The following DPF1 variants were observed in gnomAD, a reference collection of about 807,000 sequenced individuals.
DPF1 encodes the protein zinc finger protein neuro-d4.
Under a neutral mutation model 58.7 loss-of-function variants are expected in DPF1, and 14 were observed. That is an observed-to-expected ratio of 0.24 (90% CI 0.16 to 0.37). The LOEUF is 0.37. DPF1 is among the 10% of genes least tolerant of loss of function. The pLI is 1.00. For synonymous variants in DPF1, 216 were observed against 216.0 expected (o/e 1.00, Z 0.00); for missense variants, 345 against 529.9 (o/e 0.65, Z 3.43).
Position 38,222,880 on chromosome 19 carries a change from AG to A in DPF1, c.30-173del. The stretch of plus-strand genomic sequence containing the variant: ...GGGACCCAGGCTGGGGGAAGGGGAC[AG>A]GGCCCAGGGGCCCCCAAACTGGGAC... On this transcript the variant is annotated intron_variant, in intron 1 of 11. Coordinates refer to ENST00000355526, the MANE Select transcript of DPF1 (RefSeq NM_001135155.3). The surrounding 1 kb of genome is among the most constrained non-coding windows in gnomAD (Gnocchi z 4.9). The A allele has an allele frequency of 1.0e-6, 1 of 991,994 alleles. No homozygotes were observed. Among genetic ancestry groups the A allele is most frequent in the Non-Finnish European group, 1.4e-6 (1 of 718,930 alleles). 61.4% of individuals were successfully genotyped at this position (991,994 alleles called of 1,614,324 possible). A position where few individuals can be genotyped will look rare whatever the true frequency, so the allele number is the denominator to read the frequency against.
chr19:38,211,943 C>G lies in DPF1; in HGVS notation c.*120G>C, dbSNP rs1973454756. The G allele has an allele frequency of 1.7e-6, 2 of 1,165,282 alleles. No homozygotes were observed. Among genetic ancestry groups the G allele is most frequent in the Non-Finnish European group, 1.2e-6 (1 of 816,728 alleles). 72.2% of individuals were successfully genotyped at this position (1,165,282 alleles called of 1,614,324 possible). ...ACAGAGGGGAGGGGGTGGCCCAGCC[C>G]CCTCTCGGCTTCCCCCTCTCCCCCT... is the stretch of plus-strand genomic sequence containing the variant. On this transcript the variant is annotated 3_prime_UTR_variant, in exon 12 of 12. Transcript: ENST00000355526. This position sits in a 1 kb window ranked among gnomAD's most constrained non-coding sequence, Gnocchi z 4.0.
At chr19:38,228,051 G>C (rs545470746), upstream of DPF1, 1 of 152,686 alleles carries the variant, frequency 6.5e-6, no homozygotes, top group Admixed American at 6.5e-5. Flanking sequence ...ACCTGCACAA[G>C]AGCCCCGTTC....
rs774845808 is a variant in DPF1 at position 38,216,384 on chromosome 19, G to C, written c.747C>G (p.Ala249=). The part of the protein sequence containing the change: ...NNHKQFYKEL[A]WVPEAQRKHT... ...GTTTCCTTTGTGCCTCAGGGACCCA[G>C]GCCAATTCTTTGTAAAACTCTGGGG... The change falls in exon 8 of 12, where the codon GCC becomes GCG. Residue 249 remains alanine (A), a synonymous_variant. Coordinates refer to ENST00000355526, the MANE Select transcript of DPF1 (RefSeq NM_001135155.3). 6 of 1,594,838 alleles carry C rather than the reference G, an allele frequency of 3.8e-6. No homozygotes were observed. The East Asian group carries it at 1.1e-4, about 30-fold the overall frequency.
At position 38,222,802 on chromosome 19, in the gene DPF1, T is replaced by A. The variant is rs1967603091; in HGVS notation, c.30-94A>T. 7.1e-7 allele frequency: 1 copy of A among 1,412,930 alleles called. No homozygotes were observed. Among genetic ancestry groups the A allele is most frequent in the South Asian group, 1.5e-5 (1 of 66,628 alleles). The allele number at this position is 1,412,930 out of a possible 1,614,324, so 87.5% of individuals were successfully genotyped here. On this transcript the variant is annotated intron_variant, in intron 1 of 11. Coordinates refer to ENST00000355526, the MANE Select transcript of DPF1 (RefSeq NM_001135155.3). The surrounding 1 kb of genome is among the most constrained non-coding windows in gnomAD (Gnocchi z 4.9). ...TCCCCGGCTGCCGGGCCGCCCAGGC[T>A]CGGGAGGGGTGGGCCGACCCCTCCA...
chr19:38,217,406 C>T (rs1967105638), intron 7 of DPF1, 54 bp downstream of exon 7: 2 of 817,470 alleles, frequency 2.4e-6, no homozygotes, highest in Non-Finnish European at 1.8e-6. Flanking sequence ...CAGCTGGGCT[C>T]CTCTTCCCCA....
rs1246871449 is a variant in DPF1 at position 38,222,490 on chromosome 19, C to A, written c.191-26G>T. On this transcript the variant is annotated intron_variant, in intron 2 of 11. Coordinates refer to ENST00000355526, the MANE Select transcript of DPF1 (RefSeq NM_001135155.3). The surrounding 1 kb of genome is among the most constrained non-coding windows in gnomAD (Gnocchi z 4.9). ...CTGGAGAGAGAGGGGGGTGAGAGGG[C>A]GGCGGCGGTGGGGCGGCCTGGCCCC... 1 of 1,579,580 alleles carries A rather than the reference C, an allele frequency of 6.3e-7. No individual in the cohort carries two copies. Among genetic ancestry groups the A allele is most frequent in the Non-Finnish European group, 8.6e-7 (1 of 1,168,494 alleles).
chr19:38,227,002 C>CTAT (rs1269719627), upstream of DPF1, among the ~76,000 whole-genome samples: 101 of 132,944 alleles, frequency 7.6e-4, no homozygotes, highest in East Asian at 0.017. Flanking sequence ...CTCTTCCTTC[C>CTAT]TTCCTTCCTT....
rs1967228995 is a variant in DPF1 at position 38,218,817 on chromosome 19, C to T, written c.426+114G>A. 3.8e-6 allele frequency: 6 copies of T among 1,562,096 alleles called. No homozygotes were observed. The East Asian group carries it at 1.3e-4, about 35-fold the overall frequency. ...CTGGGAGGATGGTGACTGGGATGCC[C>T]AACAGCCAGAAGAAACCGGGGGGGT... On this transcript the variant is annotated intron_variant, in intron 4 of 11. Transcript: ENST00000355526.
At chr19:38,217,298 G>A in intron 7 of DPF1, 162 bp downstream of exon 7, 1 of 955,088 alleles carries the variant, frequency 1.0e-6, no homozygotes, top group Non-Finnish European at 1.5e-6. Flanking sequence ...TGGTTGCCAT[G>A]GCAACCCCGG....
intron 11 of DPF1, 43 bp downstream of exon 11, chr19:38,212,237 T>TGGGGGGGGC: frequency 8.0e-7 from 1 of 1,256,806 alleles, no homozygotes; most frequent in Non-Finnish European, 1.1e-6. Context: ...GGAGATGGCG[T>TGGGGGGGGC]TCCCACCCAC....
chr19:38,229,372 G>A lies in DPF1; in HGVS notation c.-132+187C>T, dbSNP rs1027596431. Among the ~76,000 whole-genome samples, 4 of 151,986 alleles carry A rather than the reference G, an allele frequency of 2.6e-5. No individual in the cohort carries two copies. Among genetic ancestry groups the A allele is most frequent in the African/African-American group, 9.7e-5 (4 of 41,414 alleles). On this transcript the variant is annotated intron_variant, in intron 1 of 11. Transcript: ENST00000412732. The surrounding 1 kb of genome is among the most constrained non-coding windows in gnomAD (Gnocchi z 5.3). ...GAAGAGGCGCCCCCGCGACCCTGGA[G>A]GGGCTCCCGCCCCCAACCCCAGGGG...
chr19:38,219,781 C>G (rs1044972001), intron 3 of DPF1: 1 of 152,458 alleles, frequency 6.6e-6, no homozygotes, highest in Non-Finnish European at 1.5e-5. Context: ...GCCACACTCT[C>G]AGATACAGCC....
At chr19:38,228,454 C>A (rs1019641556), upstream of DPF1, among the ~76,000 whole-genome samples, 36 of 151,676 alleles carry the variant, frequency 2.4e-4, no homozygotes, top group African/African-American at 7.2e-4. Context: ...AGCCAGCGCA[C>A]GGGGTTGGGG....
In DPF1 at chr19:38,222,237, C is replaced by T. The variant is rs1422714041; in HGVS notation, c.298+120G>A. 3 of 882,688 alleles carry T rather than the reference C, an allele frequency of 3.4e-6. No individual in the cohort carries two copies. Among genetic ancestry groups the T allele is most frequent in the Admixed American group, 5.6e-5 (2 of 35,792 alleles). The allele number at this position is 882,688 out of a possible 1,614,324, so 54.7% of individuals were successfully genotyped here. A position where few individuals can be genotyped will look rare whatever the true frequency, so the allele number is the denominator to read the frequency against. ...GGGAAACACCCGGGACGCACATGGG[C>T]AGACAGACACACAGCCAGCCAGGCA... On this transcript the variant is annotated intron_variant, in intron 3 of 11. Coordinates refer to ENST00000355526, the MANE Select transcript of DPF1 (RefSeq NM_001135155.3). The surrounding 1 kb of genome is among the most constrained non-coding windows in gnomAD (Gnocchi z 4.9).
Position 38,211,846 on chromosome 19 carries a change from G to A in DPF1, c.*217C>T. 1 of 582,590 alleles carries A rather than the reference G, an allele frequency of 1.7e-6. No individual in the cohort carries two copies. Among genetic ancestry groups the A allele is most frequent in the South Asian group, 2.1e-5 (1 of 48,740 alleles). The allele number at this position is 582,590 out of a possible 1,614,324, so 36.1% of individuals were successfully genotyped here. Reference sequence around the variant, plus strand: ...AGCCCCTGGTGTCCATTTGCCAAGGGACAGAGAGGGAGGGAGGGAGGGAGA... The same window carrying A: ...AGCCCCTGGTGTCCATTTGCCAAGGAACAGAGAGGGAGGGAGGGAGGGAGA... On this transcript the variant is annotated 3_prime_UTR_variant, in exon 12 of 12. Coordinates refer to ENST00000355526, the MANE Select transcript of DPF1 (RefSeq NM_001135155.3). This position sits in a 1 kb window ranked among gnomAD's most constrained non-coding sequence, Gnocchi z 4.0.
Position 38,216,357 on chromosome 19 carries a change from G to T in DPF1, c.774C>A (p.His258Gln), listed in dbSNP as rs533561679. Residue 258 changes from histidine (H) to glutamine (Q), a missense_variant, in exon 8 of 12, where the codon CAC (histidine) becomes CAA (glutamine). His to Gln is a conservative substitution (Grantham distance 24, BLOSUM62 0). Transcript: ENST00000355526. The part of the protein sequence containing the change: ...LAWVPEAQRK[H>Q]TAKKAPDGTV... ...AGCAGAAGGAGGCATCCGTACCTGT[G>T]TGTTTCCTTTGTGCCTCAGGGACCC... 2 of 1,601,234 alleles carry T rather than the reference G, an allele frequency of 1.2e-6. No individual in the cohort carries two copies. Among genetic ancestry groups the T allele is most frequent in the African/African-American group, 1.3e-5 (1 of 74,826 alleles).
rs549993225 is a variant in DPF1, at chr19:38,216,275, C to T, written c.779-16G>A. 103 of 1,613,724 alleles carry T rather than the reference C, an allele frequency of 6.4e-5. 2 individuals carry two copies. In the South Asian group the frequency reaches 8.9e-4, roughly 14 times the overall value. ...GCCTTCTTGGCTGCAAGACAGCAGA[C>T]AGGCATTGGCACGGGGCAGGCAAGG... is the stretch of plus-strand genomic sequence containing the variant. On this transcript the variant is annotated splice_polypyrimidine_tract_variant and intron_variant, in intron 8 of 11. Coordinates refer to ENST00000355526, the MANE Select transcript of DPF1 (RefSeq NM_001135155.3).
chr19:38,212,605 T>C (rs1973534497), intron 10 of DPF1, among the ~76,000 whole-genome samples: 1 of 151,830 alleles, frequency 6.6e-6, no homozygotes, highest in African/African-American at 2.4e-5. Flanking sequence ...GAAGGCTTAT[T>C]ATTATTATTA....
intron 7 of DPF1, 114 bp from the exon 8 acceptor site, chr19:38,216,517 G>C: frequency 8.0e-7 from 1 of 1,257,336 alleles, no homozygotes; most frequent in South Asian, 1.8e-5. Flanking sequence ...GCTGGGAAGA[G>C]TGAGTAGCTA....
Sources: allele counts gnomAD v4.1 joint callset (sites outside exome capture counted in the v4.1 genomes callset), GRCh38; gene constraint gnomAD v4.1.1; non-coding constraint Gnocchi (gnomAD v3.1); transcripts MANE v1.5; gene names NCBI Gene and HGNC (gene_info 2026-07-23, HGNC 2026-07-21).